The following THSD7B variants were observed in gnomAD, a reference collection of about 807,000 sequenced individuals.
THSD7B encodes thrombospondin type-1 domain-containing protein 7B.
Under a neutral mutation model 213.6 loss-of-function variants are expected in THSD7B, and 138 were observed. That is an observed-to-expected ratio of 0.65 (90% CI 0.56 to 0.74). THSD7B has a LOEUF of 0.74. Ranked by LOEUF, THSD7B falls within the 30% of genes least tolerant of loss-of-function variation. The pLI is 0.00. For synonymous variants in THSD7B, 742 were observed against 687.0 expected (o/e 1.08, Z -1.25); for missense variants, 1,931 against 1,991.5 (o/e 0.97, Z 0.58).
At chr2:136,854,705 T>C (rs1255512209) in intron 1 of THSD7B, among the ~76,000 whole-genome samples, 2 of 151,402 alleles carry the variant, frequency 1.3e-5, no homozygotes, top group Admixed American at 6.6e-5. Flanking sequence ...CAATGAGAAG[T>C]AGTTCAACAG....
At chr2:137,150,261 A>G (rs1352330578) in intron 5 of THSD7B, among the ~76,000 whole-genome samples, 3 of 152,030 alleles carry the variant, frequency 2.0e-5, no homozygotes, top group Admixed American at 2.0e-4. Context: ...AAAAAAAGAA[A>G]AAGAAAAAGA....
At chr2:136,862,154 G>C (rs1469630738) in intron 1 of THSD7B, among the ~76,000 whole-genome samples, 1 of 152,176 alleles carries the variant, frequency 6.6e-6, no homozygotes, top group Non-Finnish European at 1.5e-5. Context: ...TTTCCCATTA[G>C]GGGTGGGACT....
chr2:136,847,614 A>G (rs1247364851), intron 1 of THSD7B, among the ~76,000 whole-genome samples: 3 of 152,072 alleles, frequency 2.0e-5, no homozygotes, highest in African/African-American at 7.2e-5. Context: ...CTTGGATAAG[A>G]GTTGTATGAC....
rs1680716803 is a variant in THSD7B at position 137,546,390 on chromosome 2, ATATATTATATATAT to A, written c.3139-16825_3139-16812del. 2.3e-4 allele frequency among the ~76,000 whole-genome samples: 9 copies of A among 39,044 alleles called. 1 individual carries two copies. The highest frequency in any genetic ancestry group is 4.3e-4 in the Admixed American group (1 of 2,326). The allele number at this position is 39,044 out of a possible 152,430, so 25.6% of individuals were successfully genotyped here. A position where few individuals can be genotyped will look rare whatever the true frequency, so the allele number is the denominator to read the frequency against. ...TATATATATATAATATATATATTAT[ATATATTATATATAT>A]TATATATATATTATATATATTATAT... On this transcript the variant is annotated intron_variant, in intron 15 of 27. Coordinates refer to ENST00000409968, the MANE Select transcript of THSD7B (RefSeq NM_001316349.2).
intron 7 of THSD7B, among the ~76,000 whole-genome samples, chr2:137,180,620 T>G (rs531338904): frequency 3.9e-5 from 6 of 152,290 alleles, no homozygotes; most frequent in African/African-American, 1.4e-4. Context: ...TTGTTATTTT[T>G]TATTCCAAAT....
chr2:137,352,608 C>T (rs2104923130), intron 12 of THSD7B, among the ~76,000 whole-genome samples: 1 of 152,084 alleles, frequency 6.6e-6, no homozygotes, highest in Middle Eastern at 3.4e-3. Flanking sequence ...ATGACTTCGG[C>T]CCTCTTCTGA....
At chr2:137,143,007 T>C (rs566658328) in intron 5 of THSD7B, among the ~76,000 whole-genome samples, 1 of 152,054 alleles carries the variant, frequency 6.6e-6, no homozygotes, top group Admixed American at 6.6e-5. Context: ...TTTGGGAAGA[T>C]AAAAAGTCTA....
intron 7 of THSD7B, among the ~76,000 whole-genome samples, chr2:137,224,404 A>G (rs2196345): frequency 0.41 from 62,500 of 151,988 alleles, 12,997 homozygotes; most frequent in Middle Eastern, 0.5. Context: ...TCCACGATTT[A>G]CTTGTGTTTG....
chr2:136,949,726 T>C (rs867880428), intron 2 of THSD7B, among the ~76,000 whole-genome samples: 2 of 152,186 alleles, frequency 1.3e-5, no homozygotes, highest in South Asian at 2.1e-4. Flanking sequence ...TCTGATTAAA[T>C]TGGTCTGTGA....
chr2:137,285,210 C>T (rs1440751941), intron 12 of THSD7B, among the ~76,000 whole-genome samples: 1 of 152,082 alleles, frequency 6.6e-6, no homozygotes, highest in Non-Finnish European at 1.5e-5. Flanking sequence ...TTATCAGAGA[C>T]TAGGATTGCA....
chr2:137,229,290 A>G lies in THSD7B; in HGVS notation c.1724-1754A>G, dbSNP rs182606155. 3.0e-3 allele frequency among the ~76,000 whole-genome samples: 457 copies of G among 152,208 alleles called. 3 individuals are homozygous for G. The highest frequency in any genetic ancestry group is 0.01 in the African/African-American group (434 of 41,518). On this transcript the variant is annotated intron_variant, in intron 7 of 27. Transcript: ENST00000409968. Reference sequence around the variant, plus strand: ...AGTGTGGAAATTAAATTTTGATTAGATGTAGGTTGGGCCTTTTGTTTGGCC... The same window carrying G: ...AGTGTGGAAATTAAATTTTGATTAGGTGTAGGTTGGGCCTTTTGTTTGGCC...
intron 5 of THSD7B, among the ~76,000 whole-genome samples, chr2:137,137,831 T>C (rs2104960787): frequency 6.6e-6 from 1 of 152,264 alleles, no homozygotes; most frequent in South Asian, 2.1e-4. Context: ...GTTTACTTAC[T>C]CATTTTCTTC....
chr2:137,057,184 C>T lies in THSD7B; in HGVS notation c.904C>T (p.Arg302Trp), dbSNP rs762457088. The T allele has an allele frequency of 2.5e-6, 4 of 1,613,742 alleles. No homozygotes were observed. The highest frequency in any genetic ancestry group is 3.4e-6 in the Non-Finnish European group (4 of 1,179,804). ...SWAIEIGYQT[R>W]QVSCTRSDGQ... ...GGCAATAGAGATAGGTTATCAAACC[C>T]GGCAGGTTTCGTGTACAAGAAGTGA... The change falls in exon 3 of 28, where the codon CGG becomes TGG. Residue 302 changes from arginine (R) to tryptophan (W), a missense_variant. Arg to Trp is a moderately radical substitution (Grantham distance 101). Coordinates refer to ENST00000409968, the MANE Select transcript of THSD7B (RefSeq NM_001316349.2).
chr2:137,107,160 G>A (rs759898381), intron 4 of THSD7B, among the ~76,000 whole-genome samples: 6 of 151,682 alleles, frequency 4.0e-5, no homozygotes, highest in South Asian at 2.1e-4. Context: ...TCAATAGGCC[G>A]AATAAACAAA....
At chr2:136,870,341 T>A (rs1018629479) in intron 1 of THSD7B, among the ~76,000 whole-genome samples, 7 of 152,190 alleles carry the variant, frequency 4.6e-5, no homozygotes, top group African/African-American at 1.4e-4. Flanking sequence ...CTCGAAAAAA[T>A]TATTTAAAAG....
chr2:137,294,508 G>A lies in THSD7B; in HGVS notation c.2500+18482G>A, dbSNP rs1054463757. Among the ~76,000 whole-genome samples the A allele has an allele frequency of 6.0e-5, 9 of 149,986 alleles. No homozygotes were observed. In the East Asian group the frequency reaches 9.7e-4, roughly 16 times the overall value. ...TGAGGCAGAAGAATCACTTGAACCC[G>A]GGAGGCAGAGGTTGCAGTAAACTGA... On this transcript the variant is annotated intron_variant, in intron 12 of 27. Transcript: ENST00000409968.
chr2:137,149,209 A>C (rs1390815935), intron 5 of THSD7B, among the ~76,000 whole-genome samples: 1 of 152,196 alleles, frequency 6.6e-6, no homozygotes, highest in Non-Finnish European at 1.5e-5. Context: ...GGTGCATAGA[A>C]GTCAAGAATA....
chr2:137,503,704 G>A (rs559832850), intron 15 of THSD7B, among the ~76,000 whole-genome samples: 15 of 152,176 alleles, frequency 9.9e-5, no homozygotes, highest in East Asian at 3.9e-4. Flanking sequence ...TCTGTTAAGC[G>A]GAAACAACAC....
intron 12 of THSD7B, among the ~76,000 whole-genome samples, chr2:137,287,353 A>G (rs1053368531): frequency 6.6e-6 from 1 of 152,118 alleles, no homozygotes; most frequent in African/African-American, 2.4e-5. Context: ...TAACAAAAGG[A>G]TGTGTTTTAT....
Sources: allele counts gnomAD v4.1 joint callset (sites outside exome capture counted in the v4.1 genomes callset), GRCh38; gene constraint gnomAD v4.1.1; transcripts MANE v1.5; gene names NCBI Gene and HGNC (gene_info 2026-07-23, HGNC 2026-07-21).